Variants in KCNK1 observed in about 807,000 individuals in gnomAD.
KCNK1 encodes the protein potassium channel subfamily K member 1.
A neutral mutation model predicts 22.2 loss-of-function variants in KCNK1; 10 were observed. The ratio of observed to expected loss-of-function variants is 0.45; its 90% CI spans 0.28 to 0.76. KCNK1 has a LOEUF of 0.76. Among genes scored for constraint, KCNK1 ranks in the 30% least tolerant of loss-of-function variants. The probability of loss-of-function intolerance (pLI) is 0.14; values close to 1 mark genes in which losing one functional copy is unlikely to be tolerated. For missense variants in KCNK1, 378 were observed against 421.0 expected (o/e 0.90, Z 0.89); for synonymous variants, 200 against 186.4 (o/e 1.07, Z -0.60).
chr1:233,635,808 A>G (rs975948774), intron 1 of KCNK1, among the ~76,000 whole-genome samples: 1 of 152,256 alleles, frequency 6.6e-6, no homozygotes, highest in Non-Finnish European at 1.5e-5. Context: ...TGACAATAAT[A>G]TAAATAAATA....
Position 233,633,864 on chromosome 1 carries a change from G to A in KCNK1, c.355+19338G>A, listed in dbSNP as rs866259291. 2.0e-5 allele frequency among the ~76,000 whole-genome samples: 3 copies of A among 152,210 alleles called. No homozygotes were observed. The South Asian group carries it at 6.2e-4, about 32-fold the overall frequency. ...CCCTAACATTAGCCTCTAGCATGAG[G>A]GAGTGAAATTAACATAGTCACACAT... On this transcript the variant is annotated intron_variant, in intron 1 of 2. Coordinates refer to ENST00000366621, the MANE Select transcript of KCNK1 (RefSeq NM_002245.4).
At chr1:233,623,185 T>C (rs764393963) in intron 1 of KCNK1, among the ~76,000 whole-genome samples, 14 of 147,442 alleles carry the variant, frequency 9.5e-5, no homozygotes, top group Non-Finnish European at 1.8e-4. Context: ...AAAGAAACAA[T>C]GGAAGATAAT....
At chr1:233,632,566 C>A (rs1657820078) in intron 1 of KCNK1, among the ~76,000 whole-genome samples, 1 of 152,120 alleles carries the variant, frequency 6.6e-6, no homozygotes, top group Admixed American at 6.5e-5. Flanking sequence ...GTGGTTTGAT[C>A]TCTGTTGTGT....
intron 1 of KCNK1, among the ~76,000 whole-genome samples, chr1:233,658,615 C>G (rs1658340989): frequency 6.6e-6 from 1 of 152,130 alleles, no homozygotes; most frequent in South Asian, 2.1e-4. Context: ...AGAAATGCAT[C>G]CTTAGGTGTT....
chr1:233,643,711 G>A (rs865932325), intron 1 of KCNK1, among the ~76,000 whole-genome samples: 1 of 152,170 alleles, frequency 6.6e-6, no homozygotes, highest in South Asian at 2.1e-4. Flanking sequence ...GAATGTGGTA[G>A]GGCTGGATTC....
chr1:233,656,026 C>T (rs1225952999), intron 1 of KCNK1, among the ~76,000 whole-genome samples: 1 of 152,098 alleles, frequency 6.6e-6, no homozygotes, highest in African/African-American at 2.4e-5. Context: ...GATTTCAAGT[C>T]CCTAGGAAAG....
chr1:233,626,420 A>G (rs77171531), intron 1 of KCNK1, among the ~76,000 whole-genome samples: 375 of 152,246 alleles, frequency 2.5e-3, no homozygotes, highest in African/African-American at 8.5e-3. Context: ...CTATCTACAC[A>G]AGGCACACAG....
intron 1 of KCNK1, among the ~76,000 whole-genome samples, chr1:233,647,049 GAGTT>G (rs1658112502): frequency 6.6e-6 from 1 of 152,182 alleles, no homozygotes; most frequent in Admixed American, 6.5e-5. Context: ...GCATTTCTGA[GAGTT>G]AGAAAATTTT....
chr1:233,668,824 C>T (rs1415429194), intron 2 of KCNK1, among the ~76,000 whole-genome samples: 1 of 152,192 alleles, frequency 6.6e-6, no homozygotes, highest in East Asian at 1.9e-4. Flanking sequence ...CCAGGCTAGT[C>T]ACGAACTCCT....
In KCNK1 at chr1:233,614,137, C is replaced by A; in HGVS notation, c.-35C>A. 1 of 1,493,500 alleles carries A rather than the reference C, an allele frequency of 6.7e-7. No individual in the cohort carries two copies. 92.5% of individuals were successfully genotyped at this position (1,493,500 alleles called of 1,614,324 possible). ...GGCGGCGGGCCGCGCTCCGGCCGGT[C>A]TGCGGCGTTGGCCTTGGCGGCGGCG... On this transcript the variant is annotated 5_prime_UTR_variant, in exon 1 of 3. The change creates a new upstream start codon in the 5' untranslated region. Coordinates refer to ENST00000366621, the MANE Select transcript of KCNK1 (RefSeq NM_002245.4).
At chr1:233,650,928 C>T (rs1443282842) in intron 1 of KCNK1, among the ~76,000 whole-genome samples, 2 of 152,156 alleles carry the variant, frequency 1.3e-5, no homozygotes, top group Non-Finnish European at 2.9e-5. Context: ...CAGGTGGCTG[C>T]TCTGAGTTCC....
intron 1 of KCNK1, among the ~76,000 whole-genome samples, chr1:233,656,671 C>T (rs1658305228): frequency 6.6e-6 from 1 of 152,122 alleles, no homozygotes; most frequent in Non-Finnish European, 1.5e-5. Flanking sequence ...GGCTGGAGTG[C>T]AGTGGTGCAT....
intron 1 of KCNK1, among the ~76,000 whole-genome samples, chr1:233,645,038 C>CA (rs1201112405): frequency 6.6e-6 from 1 of 151,308 alleles, no homozygotes. Context: ...ACTAAAAATA[C>CA]AAAAAATTAG....
At chr1:233,658,886 AG>A (rs1380065604) in intron 1 of KCNK1, among the ~76,000 whole-genome samples, 1 of 152,196 alleles carries the variant, frequency 6.6e-6, no homozygotes, top group African/African-American at 2.4e-5. Context: ...TGGGTGAGTG[AG>A]TAAGTGGTGA....
intron 2 of KCNK1, among the ~76,000 whole-genome samples, chr1:233,669,985 A>G (rs1298482863): frequency 6.6e-6 from 1 of 152,234 alleles, no homozygotes; most frequent in Non-Finnish European, 1.5e-5. Context: ...TATTCCTGTT[A>G]TGCTGCCAAT....
Position 233,628,897 on chromosome 1 carries a change from G to A in KCNK1, c.355+14371G>A, listed in dbSNP as rs12408832. On this transcript the variant is annotated intron_variant, in intron 1 of 2. Coordinates refer to ENST00000366621, the MANE Select transcript of KCNK1 (RefSeq NM_002245.4). Reference sequence around the variant, plus strand: ...CTTACATAGACTGAAGTGAATGTGCGGATTGGAAGTGTGAAAGCGTTGAAC... The same window carrying A: ...CTTACATAGACTGAAGTGAATGTGCAGATTGGAAGTGTGAAAGCGTTGAAC... Among the ~76,000 whole-genome samples the A allele has an allele frequency of 0.018, 2,707 of 152,240 alleles. 105 individuals are homozygous for A. In the East Asian group the frequency reaches 0.18, roughly 10 times the overall value.
chr1:233,631,932 G>A (rs1374153684), intron 1 of KCNK1, among the ~76,000 whole-genome samples: 1 of 152,164 alleles, frequency 6.6e-6, no homozygotes, highest in Admixed American at 6.5e-5. Context: ...CTCGAACAGA[G>A]GGAACCACTG....
chr1:233,641,567 G>A (rs1014873226), intron 1 of KCNK1, among the ~76,000 whole-genome samples: 1 of 152,204 alleles, frequency 6.6e-6, no homozygotes, highest in African/African-American at 2.4e-5. Flanking sequence ...AGCGGATGGG[G>A]TGTTATATCC....
chr1:233,627,189 T>C (rs1283881376), intron 1 of KCNK1, among the ~76,000 whole-genome samples: 1 of 152,216 alleles, frequency 6.6e-6, no homozygotes, highest in African/African-American at 2.4e-5. Flanking sequence ...ATCCCATGAG[T>C]ATAACAGGGC....
Sources: gnomAD v4.1 joint callset for allele counts (sites outside exome capture counted in the v4.1 genomes callset) on GRCh38, gnomAD v4.1.1 for gene constraint, MANE v1.5 for transcripts, NCBI Gene and HGNC (gene_info 2026-07-23, HGNC 2026-07-21) for gene names.